The following TMEM163 variants were observed in gnomAD, a reference collection of about 807,000 sequenced individuals.
The protein encoded by TMEM163 is transmembrane protein 163.
In TMEM163, 17 loss-of-function variants were observed where a neutral mutation model predicts 29.3. That is an observed-to-expected ratio of 0.58 (90% CI 0.40 to 0.87). The LOEUF is 0.87. Among genes scored for constraint, TMEM163 ranks in the 40% least tolerant of loss-of-function variants. TMEM163 has a pLI of 0.00. For missense variants in TMEM163, 303 were observed against 381.5 expected (o/e 0.79, Z 1.71); for synonymous variants, 157 against 160.6 (o/e 0.98, Z 0.17).
At chr2:134,664,639 AGAG>A (rs1416512146) in intron 2 of TMEM163, among the ~76,000 whole-genome samples, 3 of 152,156 alleles carry the variant, frequency 2.0e-5, no homozygotes, top group Non-Finnish European at 4.4e-5. Flanking sequence ...AGATGACAGA[AGAG>A]GAGAAGGCAA....
intron 2 of TMEM163, among the ~76,000 whole-genome samples, chr2:134,644,451 T>C (rs1247344672): frequency 6.6e-6 from 1 of 151,958 alleles, no homozygotes; most frequent in Non-Finnish European, 1.5e-5. Flanking sequence ...CCCGCAGAAA[T>C]ATGGCCATAT....
intron 2 of TMEM163, among the ~76,000 whole-genome samples, chr2:134,560,966 A>C (rs1051679024): frequency 2.0e-5 from 3 of 152,176 alleles, no homozygotes; most frequent in African/African-American, 7.2e-5. Flanking sequence ...CAAAGACCCC[A>C]GCTTTTAATG....
chr2:134,530,900 C>A (rs553649578), intron 4 of TMEM163, among the ~76,000 whole-genome samples: 1 of 152,282 alleles, frequency 6.6e-6, no homozygotes, highest in Admixed American at 6.5e-5. Context: ...ACACACCCTT[C>A]CTTTGAAATG....
chr2:134,560,832 A>T (rs2104777217), intron 2 of TMEM163, among the ~76,000 whole-genome samples: 1 of 152,336 alleles, frequency 6.6e-6, no homozygotes. Context: ...CCCCCGTTCC[A>T]AAGCAGGGAT....
chr2:134,535,728 TGTTTG>T (rs1680523625), intron 4 of TMEM163, among the ~76,000 whole-genome samples: 3 of 130,970 alleles, frequency 2.3e-5, no homozygotes, highest in Admixed American at 7.2e-5. Flanking sequence ...TTTTTTTTTT[TGTTTG>T]TTTGTTTTTT....
chr2:134,669,089 C>G (rs181460833), intron 2 of TMEM163, among the ~76,000 whole-genome samples: 1 of 152,240 alleles, frequency 6.6e-6, no homozygotes, highest in East Asian at 1.9e-4. Context: ...GCTGCTCCCC[C>G]TCACTTCCAA....
chr2:134,462,451 C>T (rs953007964), intron 6 of TMEM163, among the ~76,000 whole-genome samples: 1 of 152,206 alleles, frequency 6.6e-6, no homozygotes, highest in Non-Finnish European at 1.5e-5. Flanking sequence ...TCTGTCCCCC[C>T]ACTTCCAAGT....
chr2:134,634,318 C>G (rs1471892271), intron 2 of TMEM163, among the ~76,000 whole-genome samples: 1 of 152,076 alleles, frequency 6.6e-6, no homozygotes, highest in African/African-American at 2.4e-5. Flanking sequence ...AGACAAGGGA[C>G]AAGTTACAAA....
chr2:134,672,328 C>T (rs529072974), intron 2 of TMEM163, among the ~76,000 whole-genome samples: 5 of 152,290 alleles, frequency 3.3e-5, no homozygotes, highest in African/African-American at 1.2e-4. Flanking sequence ...GTCCCACAGG[C>T]TCTATGATAT....
At chr2:134,698,464 T>G (rs1050661041) in intron 2 of TMEM163, among the ~76,000 whole-genome samples, 1 of 152,144 alleles carries the variant, frequency 6.6e-6, no homozygotes, top group Non-Finnish European at 1.5e-5. Flanking sequence ...TCTTTTCTTT[T>G]TCATTCAATC....
At chr2:134,512,675 C>T (rs975314364) in intron 4 of TMEM163, among the ~76,000 whole-genome samples, 2 of 152,178 alleles carry the variant, frequency 1.3e-5, no homozygotes, top group African/African-American at 4.8e-5. Flanking sequence ...GAAGCAGCTT[C>T]AGGCGCTGAG....
At chr2:134,665,303 C>A (rs1011257347) in intron 2 of TMEM163, among the ~76,000 whole-genome samples, 7 of 152,114 alleles carry the variant, frequency 4.6e-5, no homozygotes, top group African/African-American at 1.7e-4. Context: ...CAAGGAGGAG[C>A]AAAGGCATGT....
chr2:134,548,456 G>A (rs962493062), intron 4 of TMEM163, among the ~76,000 whole-genome samples: 1 of 152,190 alleles, frequency 6.6e-6, no homozygotes, highest in Non-Finnish European at 1.5e-5. Flanking sequence ...AAGATGACAT[G>A]TTCTTCTGAC....
In TMEM163 at chr2:134,656,639, G is replaced by C. The variant is rs554243370; in HGVS notation, c.322+56561C>G. Among the ~76,000 whole-genome samples the C allele has an allele frequency of 6.6e-5, 10 of 152,358 alleles. 1 individual carries two copies. The highest frequency in any genetic ancestry group is 2.4e-4 in the African/African-American group (10 of 41,582). ...GGTCATCGAATGCTATGTTGAATAG[G>C]AGTGGTGAGACTAGACATCCTTGTC... On this transcript the variant is annotated intron_variant, in intron 2 of 7. Coordinates refer to ENST00000281924, the MANE Select transcript of TMEM163 (RefSeq NM_030923.5).
chr2:134,477,399 G>A (rs563675185), intron 5 of TMEM163, among the ~76,000 whole-genome samples: 1 of 152,304 alleles, frequency 6.6e-6, no homozygotes, highest in East Asian at 1.9e-4. Context: ...AAGAAGCATG[G>A]TATATACATG....
At chr2:134,561,659 T>C (rs1681186835) in intron 2 of TMEM163, among the ~76,000 whole-genome samples, 1 of 152,208 alleles carries the variant, frequency 6.6e-6, no homozygotes. Context: ...TTCCTAACAC[T>C]TGCTCTTACA....
intron 2 of TMEM163, among the ~76,000 whole-genome samples, chr2:134,585,245 C>T (rs924365187): frequency 2.6e-5 from 4 of 152,174 alleles, no homozygotes; most frequent in Non-Finnish European, 5.9e-5. Flanking sequence ...AAGTGATCCT[C>T]CCACCTCAGC....
intron 2 of TMEM163, among the ~76,000 whole-genome samples, chr2:134,617,141 A>G (rs1322506333): frequency 6.6e-6 from 1 of 152,260 alleles, no homozygotes; most frequent in African/African-American, 2.4e-5. Flanking sequence ...AGATATAGGT[A>G]TAATATATAA....
chr2:134,637,094 A>C (rs1432384333), intron 2 of TMEM163, among the ~76,000 whole-genome samples: 1 of 152,214 alleles, frequency 6.6e-6, no homozygotes, highest in Non-Finnish European at 1.5e-5. Flanking sequence ...TCTCTATTGC[A>C]GTTCCTCTGT....
Sources: gnomAD v4.1 joint callset for allele counts (sites outside exome capture counted in the v4.1 genomes callset) on GRCh38, gnomAD v4.1.1 for gene constraint, MANE v1.5 for transcripts, NCBI Gene and HGNC (gene_info 2026-07-23, HGNC 2026-07-21) for gene names.